The following LRP8 variants were observed in gnomAD, a reference collection of about 807,000 sequenced individuals.
The protein encoded by LRP8 is LDL receptor related protein 8.
In LRP8, 46 loss-of-function variants were observed where a neutral mutation model predicts 111.6. The observed-to-expected ratio is 0.41, with a 90% CI of 0.33 to 0.53. LRP8 has a LOEUF of 0.53. Among genes scored for constraint, LRP8 ranks in the 20% least tolerant of loss-of-function variants. The probability of loss-of-function intolerance (pLI) is 0.20; values close to 1 mark genes in which losing one functional copy is unlikely to be tolerated. For missense variants in LRP8, 959 were observed against 1,297.4 expected (o/e 0.74, Z 4.01); for synonymous variants, 464 against 511.2 (o/e 0.91, Z 1.24).
chr1:53,300,264 A>G (rs1182082111), intron 2 of LRP8, among the ~76,000 whole-genome samples: 3 of 152,234 alleles, frequency 2.0e-5, no homozygotes, highest in Non-Finnish European at 2.9e-5. Context: ...CCCCCAGGCC[A>G]GAAGCCCTTC....
At chr1:53,258,100 T>C (rs890020449) in intron 14 of LRP8, 13 of 400,694 alleles carry the variant, frequency 3.2e-5, no homozygotes, top group Non-Finnish European at 5.8e-5. Context: ...TTTATGTATA[T>C]GTGCATTTTT....
chr1:53,262,570 A>T lies in LRP8; in HGVS notation c.1656-6T>A. On this transcript the variant is annotated splice_region_variant and splice_polypyrimidine_tract_variant and intron_variant, in intron 10 of 18. Transcript: ENST00000306052. This position sits in a 1 kb window ranked among gnomAD's most constrained non-coding sequence, Gnocchi z 4.8. ...AGTCAGACCAATACATGAACCTAAA[A>T]GACAAAATAACCCAATTTGCCTTCT... The T allele has an allele frequency of 6.2e-7, 1 of 1,612,558 alleles. No individual in the cohort carries two copies. Among genetic ancestry groups the T allele is most frequent in the Non-Finnish European group, 8.5e-7 (1 of 1,178,590 alleles).
rs757941702 is a variant in LRP8 at position 53,324,831 on chromosome 1, C to T, written c.244+2042G>A. Among the ~76,000 whole-genome samples the T allele has an allele frequency of 4.6e-5, 7 of 152,252 alleles. No individual in the cohort carries two copies. The East Asian group carries it at 9.6e-4, about 21-fold the overall frequency. On this transcript the variant is annotated intron_variant, in intron 2 of 18. Transcript: ENST00000306052. ...CCTAGATCACACTCCTGGTGCTTTC[C>T]GCACCACACTCCCCACCTCAGCAGA... is the stretch of plus-strand genomic sequence containing the variant.
At chr1:53,306,572 G>T (rs1210734507) in intron 2 of LRP8, among the ~76,000 whole-genome samples, 2 of 152,000 alleles carry the variant, frequency 1.3e-5, no homozygotes, top group Non-Finnish European at 2.9e-5. Flanking sequence ...GTCAACACCA[G>T]TTGAGGGGTT....
chr1:53,278,004 C>T (rs1646982928), intron 4 of LRP8, among the ~76,000 whole-genome samples: 1 of 152,154 alleles, frequency 6.6e-6, no homozygotes, highest in Non-Finnish European at 1.5e-5. Context: ...CATGGCTCTG[C>T]TTGGGGCTCT....
At chr1:53,272,536 A>G in intron 6 of LRP8, 2 of 1,275,852 alleles carry the variant, frequency 1.6e-6, no homozygotes, top group Non-Finnish European at 2.1e-6. Flanking sequence ...TGCCCACCCC[A>G]GGCCATGCAC....
chr1:53,279,928 A>G lies in LRP8; in HGVS notation c.496+659T>C, dbSNP rs995348656. ...AAGTGAGGCCTGGCCATGCTCCCCA[A>G]TGGCCCAGGCCCTGCTGGCCTGCTC... On this transcript the variant is annotated intron_variant, in intron 4 of 18. Coordinates refer to ENST00000306052, the MANE Select transcript of LRP8 (RefSeq NM_004631.5). The surrounding 1 kb of genome is among the most constrained non-coding windows in gnomAD (Gnocchi z 4.4). Among the ~76,000 whole-genome samples the G allele has an allele frequency of 4.6e-5, 7 of 152,172 alleles. No individual in the cohort carries two copies. Among genetic ancestry groups the G allele is most frequent in the Admixed American group, 3.3e-4 (5 of 15,288 alleles).
At chr1:53,280,805 G>C in intron 3 of LRP8, 90 bp from the exon 4 acceptor site, 1 of 1,528,672 alleles carries the variant, frequency 6.5e-7, no homozygotes, top group East Asian at 2.3e-5. Flanking sequence ...CAGCCATCTG[G>C]TCCAAGGCCC....
rs1296063597 is a variant in LRP8 at position 53,303,851 on chromosome 1, C to A, written c.245-14162G>T. 6.6e-6 allele frequency among the ~76,000 whole-genome samples: 1 copy of A among 152,212 alleles called. No individual in the cohort carries two copies. Among genetic ancestry groups the A allele is most frequent in the African/African-American group, 2.4e-5 (1 of 41,456 alleles). On this transcript the variant is annotated intron_variant, in intron 2 of 18. Coordinates refer to ENST00000306052, the MANE Select transcript of LRP8 (RefSeq NM_004631.5). This position sits in a 1 kb window ranked among gnomAD's most constrained non-coding sequence, Gnocchi z 4.3. Reference sequence around the variant, plus strand: ...GCGACAGGGGACTCAGTCAGCCGTGCTGGCTGGAGGCTGAACACGTTCCTT... The same window carrying A: ...GCGACAGGGGACTCAGTCAGCCGTGATGGCTGGAGGCTGAACACGTTCCTT...
intron 2 of LRP8, among the ~76,000 whole-genome samples, chr1:53,325,921 A>T (rs1015591607): frequency 2.0e-5 from 3 of 152,028 alleles, no homozygotes; most frequent in Non-Finnish European, 4.4e-5. Flanking sequence ...CCGGAGCTAC[A>T]TTTCTTCCAC....
intron 2 of LRP8, among the ~76,000 whole-genome samples, chr1:53,319,746 G>A (rs891340746): frequency 1.3e-5 from 2 of 152,252 alleles, no homozygotes; most frequent in African/African-American, 4.8e-5. Flanking sequence ...GGGGTGAGCA[G>A]GGCTGATAAT....
In LRP8 at chr1:53,279,112, C is replaced by T. The variant is rs1440098234; in HGVS notation, c.496+1475G>A. Among the ~76,000 whole-genome samples, 1 of 152,046 alleles carries T rather than the reference C, an allele frequency of 6.6e-6. No homozygotes were observed. The highest frequency in any genetic ancestry group is 1.5e-5 in the Non-Finnish European group (1 of 68,016). On this transcript the variant is annotated intron_variant, in intron 4 of 18. Transcript: ENST00000306052. The surrounding 1 kb of genome is among the most constrained non-coding windows in gnomAD (Gnocchi z 4.4). ...GATGGCAAGGAAGTGCTTCTTCATA[C>T]TGAGTTTTCTCTGAGGTTTTGGAGC...
At chr1:53,261,356 G>A (rs1646332737) in intron 12 of LRP8, among the ~76,000 whole-genome samples, 1 of 152,236 alleles carries the variant, frequency 6.6e-6, no homozygotes, top group Admixed American at 6.5e-5. Flanking sequence ...TGGACTTAGA[G>A]GTGGAGCTTT....
At chr1:53,247,974 T>C (rs1361070286) in intron 18 of LRP8, among the ~76,000 whole-genome samples, 1 of 152,234 alleles carries the variant, frequency 6.6e-6, no homozygotes, top group African/African-American at 2.4e-5. Context: ...CTCATAGTTA[T>C]GTGAATTTGG....
At chr1:53,267,930 A>G (rs139501944) in intron 8 of LRP8, 1 of 152,294 alleles carries the variant, frequency 6.6e-6, no homozygotes, top group Non-Finnish European at 1.5e-5. Flanking sequence ...TCCAGCTGAC[A>G]CTTCTGCCAG....
intron 3 of LRP8, among the ~76,000 whole-genome samples, chr1:53,283,489 C>T (rs1186023397): frequency 3.1e-5 from 4 of 129,632 alleles, no homozygotes; most frequent in Admixed American, 7.6e-5. Flanking sequence ...ACTACATACC[C>T]GGGCCACTTA....
chr1:53,326,331 A>G (rs1655119131), intron 2 of LRP8, among the ~76,000 whole-genome samples: 1 of 151,998 alleles, frequency 6.6e-6, no homozygotes, highest in South Asian at 2.1e-4. Flanking sequence ...GAACCCGAAT[A>G]CTACACATCC....
intron 2 of LRP8, among the ~76,000 whole-genome samples, chr1:53,292,338 T>C (rs530517467): frequency 2.0e-5 from 3 of 152,276 alleles, no homozygotes; most frequent in Admixed American, 6.5e-5. Flanking sequence ...GATGGGTAGA[T>C]TGAGGCCCAG....
At chr1:53,286,292 C>T (rs1347174317) in intron 3 of LRP8, among the ~76,000 whole-genome samples, 1 of 152,322 alleles carries the variant, frequency 6.6e-6, no homozygotes, top group East Asian at 1.9e-4. Context: ...ATGCTGCTAG[C>T]TGGGTCAGTC....
Sources: allele counts gnomAD v4.1 joint callset (sites outside exome capture counted in the v4.1 genomes callset), GRCh38; gene constraint gnomAD v4.1.1; non-coding constraint Gnocchi (gnomAD v3.1); transcripts MANE v1.5; gene names NCBI Gene and HGNC (gene_info 2026-07-23, HGNC 2026-07-21).